Variants in DNAH9 observed in about 807,000 individuals in gnomAD.
DNAH9 encodes dynein axonemal heavy chain 9, also known as DNAH9 variant protein.
A neutral mutation model predicts 471.6 loss-of-function variants in DNAH9; 345 were observed. That is an observed-to-expected ratio of 0.73 (90% CI 0.67 to 0.80). DNAH9 has a LOEUF of 0.80. Among genes scored for constraint, DNAH9 ranks in the 30% least tolerant of loss-of-function variants. The pLI is 0.00. For synonymous variants in DNAH9, 2,093 were observed against 2,123.6 expected (o/e 0.99, Z 0.40); for missense variants, 5,407 against 5,609.2 (o/e 0.96, Z 1.15).
At chr17:11,640,466 C>T (rs1192523274) in intron 10 of DNAH9, 82 bp downstream of exon 10, 1 of 953,368 alleles carries the variant, frequency 1.0e-6, no homozygotes, top group Non-Finnish European at 1.7e-6. Flanking sequence ...GAAATGCAAC[C>T]TGCTTAACGA....
chr17:11,843,707 A>G (rs1597724042), intron 49 of DNAH9, among the ~76,000 whole-genome samples: 1 of 151,314 alleles, frequency 6.6e-6, no homozygotes, highest in East Asian at 1.9e-4. Context: ...AAAAGTGTGC[A>G]TTGTTTATTT....
At chr17:11,873,534 C>T (rs1486628598) in intron 52 of DNAH9, 1 of 152,054 alleles carries the variant, frequency 6.6e-6, no homozygotes, top group Non-Finnish European at 1.5e-5. Flanking sequence ...GGAGAGGTTT[C>T]CCTGGGATAA....
At chr17:11,610,246 C>A in intron 2 of DNAH9, 150 bp from the exon 3 acceptor site, 1 of 591,478 alleles carries the variant, frequency 1.7e-6, no homozygotes, top group East Asian at 3.0e-5. Context: ...AGACTGTTAT[C>A]CAAAAAAGTT....
intron 67 of DNAH9, among the ~76,000 whole-genome samples, chr17:11,960,448 A>G (rs1248018039): frequency 2.1e-5 from 3 of 139,632 alleles, no homozygotes; most frequent in African/African-American, 5.3e-5. Context: ...AAAAAAAAAA[A>G]AAAAAAAAAA....
intron 56 of DNAH9, chr17:11,884,658 T>C (rs11078042): frequency 0.9 from 387,464 of 432,434 alleles, 174,666 homozygotes; most frequent in Non-Finnish European, 0.95. Context: ...TGAGGGACAG[T>C]TGAGGTTGGA....
intron 14 of DNAH9, among the ~76,000 whole-genome samples, chr17:11,658,798 C>CT (rs1278701435): frequency 6.6e-5 from 10 of 150,854 alleles, no homozygotes; most frequent in South Asian, 4.2e-4. Flanking sequence ...GCACTTTGTT[C>CT]TTTTTTTTTC....
At position 11,647,010 on chromosome 17, in the gene DNAH9, G is replaced by A; in HGVS notation, c.1971-62G>A. 3 of 1,581,598 alleles carry A rather than the reference G, an allele frequency of 1.9e-6. No individual in the cohort carries two copies. The South Asian group carries it at 3.4e-5, about 18-fold the overall frequency. On this transcript the variant is annotated intron_variant, in intron 11 of 68. Transcript: ENST00000262442. ...ATCTTCAATTTATGTTACAGATCATGACCAGGCACCGGTGAGCTGGGAGGG... is the reference window on the plus strand; with the variant it reads ...ATCTTCAATTTATGTTACAGATCATAACCAGGCACCGGTGAGCTGGGAGGG...
intron 65 of DNAH9, 65 bp downstream of exon 65, chr17:11,934,136 A>G: frequency 2.6e-6 from 4 of 1,527,428 alleles, no homozygotes; most frequent in Non-Finnish European, 3.6e-6. Flanking sequence ...TATTCCTCCC[A>G]CGCCGACCTG....
In DNAH9 at chr17:11,888,043, C is replaced by T. The variant is rs372717153; in HGVS notation, c.11112+1078C>T. 4.8e-4 allele frequency among the ~76,000 whole-genome samples: 73 copies of T among 150,630 alleles called. No individual in the cohort carries two copies. In the East Asian group the frequency reaches 0.012, roughly 24 times the overall value. On this transcript the variant is annotated intron_variant, in intron 57 of 68. Transcript: ENST00000262442. ...TGTTGCCCAGGCTGGAGTGCAGAGG[C>T]GCGATCTCGGCTTACTGCAAGCTCT... is the stretch of plus-strand genomic sequence containing the variant.
At chr17:11,651,862 C>T (rs1039280949) in intron 13 of DNAH9, among the ~76,000 whole-genome samples, 21 of 151,884 alleles carry the variant, frequency 1.4e-4, no homozygotes, top group African/African-American at 4.6e-4. Flanking sequence ...TATACAGAGC[C>T]ATATGATGAC....
intron 17 of DNAH9, among the ~76,000 whole-genome samples, chr17:11,677,610 G>A (rs2074068179): frequency 6.6e-6 from 1 of 152,012 alleles, no homozygotes; most frequent in South Asian, 2.1e-4. Context: ...TTTTTAACTG[G>A]AGGGTTTTGT....
At position 11,891,964 on chromosome 17, in the gene DNAH9, G is replaced by A. The variant is rs758616022; in HGVS notation, c.11283+17G>A. The A allele has an allele frequency of 2.5e-6, 4 of 1,608,936 alleles. No homozygotes were observed. Among genetic ancestry groups the A allele is most frequent in the Non-Finnish European group, 3.4e-6 (4 of 1,176,506 alleles). ...ACCTTTCAGGTAAAAGTGGATTGAA[G>A]AAGTTTCCAGAAAACAGGTTATTTT... On this transcript the variant is annotated intron_variant, in intron 58 of 68. Transcript: ENST00000262442.
chr17:11,681,451 C>T (rs1239197756), intron 19 of DNAH9, among the ~76,000 whole-genome samples: 1 of 152,262 alleles, frequency 6.6e-6, no homozygotes, highest in East Asian at 1.9e-4. Context: ...ACTTGGGCTC[C>T]TTTCTCAGGG....
intron 41 of DNAH9, among the ~76,000 whole-genome samples, chr17:11,786,527 T>C (rs985418779): frequency 6.6e-6 from 1 of 152,146 alleles, no homozygotes; most frequent in African/African-American, 2.4e-5. Context: ...GCCCTTTACA[T>C]CTATGAATGC....
chr17:11,824,531 G>A (rs73980507), intron 48 of DNAH9, among the ~76,000 whole-genome samples: 10,835 of 152,096 alleles, frequency 0.071, 1,287 homozygotes, highest in African/African-American at 0.25. Context: ...CCCCATATCT[G>A]TTATGTTCTC....
Position 11,929,995 on chromosome 17 carries a change from A to G in DNAH9, c.12007A>G (p.Ile4003Val), listed in dbSNP as rs1362223760. Residue 4003 changes from isoleucine (I) to valine (V), a missense_variant, in exon 63 of 69, where the codon ATC (isoleucine) becomes GTC (valine). By Grantham distance (29) the Ile-to-Val change is conservative. This residue lies in a region of DNAH9 where 4,636 missense variants were observed against 4,900.3 expected (regional missense o/e 0.95). Coordinates refer to ENST00000262442, the MANE Select transcript of DNAH9 (RefSeq NM_001372.4). ...EPAPSPEGHI[I>V]PQGILENSIK... ...AGCACCCTCCCCTGAGGGCCACATC[A>G]TCCCCCAGGGCATCCTGGAGAACTC... is the stretch of plus-strand genomic sequence containing the variant. 5.0e-6 allele frequency: 8 copies of G among 1,613,922 alleles called. No homozygotes were observed. The highest frequency in any genetic ancestry group is 2.7e-5 in the African/African-American group (2 of 74,892).
intron 1 of DNAH9, among the ~76,000 whole-genome samples, chr17:11,599,131 A>T (rs1567653775): frequency 1.3e-5 from 2 of 151,462 alleles, no homozygotes; most frequent in Non-Finnish European, 2.9e-5. Context: ...TTAGGGGCGG[A>T]GTCGGGTGGG....
chr17:11,932,481 C>T lies in DNAH9; in HGVS notation c.12297+276C>T, dbSNP rs1033721167. Among the ~76,000 whole-genome samples the T allele has an allele frequency of 6.6e-6, 1 of 152,138 alleles. No homozygotes were observed. The highest frequency in any genetic ancestry group is 1.5e-5 in the Non-Finnish European group (1 of 68,024). ...CCATGCATCAACATCATTGGCAGGA[C>T]CTGGGAGCTAGTTAGAAATGCAGAA... On this transcript the variant is annotated intron_variant, in intron 64 of 68. Transcript: ENST00000262442. This position sits in a 1 kb window ranked among gnomAD's most constrained non-coding sequence, Gnocchi z 4.3.
intron 24 of DNAH9, among the ~76,000 whole-genome samples, chr17:11,703,832 G>A (rs2074645927): frequency 6.6e-6 from 1 of 152,124 alleles, no homozygotes; most frequent in Non-Finnish European, 1.5e-5. Context: ...GGTGTCATTG[G>A]GATGGTTGGG....
Sources: gnomAD v4.1 joint callset for allele counts (sites outside exome capture counted in the v4.1 genomes callset) on GRCh38, gnomAD v4.1.1 for gene constraint, gnomAD v4.1.1 regional missense constraint, Gnocchi (gnomAD v3.1) non-coding constraint, MANE v1.5 for transcripts, NCBI Gene and HGNC (gene_info 2026-07-23, HGNC 2026-07-21) for gene names.